POLR1F: variants seen among roughly 807,000 people sequenced by gnomAD.
The protein encoded by POLR1F is DNA-directed RNA polymerase I subunit RPA43.
A neutral mutation model predicts 21.8 loss-of-function variants in POLR1F; 23 were observed. That is an observed-to-expected ratio of 1.05 (90% CI 0.76 to 1.49). The LOEUF (loss-of-function observed/expected upper bound fraction) is 1.49. Among genes scored for constraint, POLR1F ranks in the 40% most tolerant of loss-of-function variants. POLR1F has a pLI of 0.00. For missense variants in POLR1F, 435 were observed against 412.1 expected, an observed-to-expected ratio of 1.06 and a Z score of -0.48; for synonymous variants, 162 against 152.8, an observed-to-expected ratio of 1.06 and a Z score of -0.45.
At position 19,697,669 on chromosome 7, in the gene POLR1F, A is replaced by G. The variant is rs2128005807; in HGVS notation, c.*647T>C. The G allele has an allele frequency of 6.6e-6, 1 of 152,344 alleles. No homozygotes were observed. Among genetic ancestry groups the G allele is most frequent in the South Asian group, 2.1e-4 (1 of 4,818 alleles). The allele number at this position is 152,344 out of a possible 1,614,324, so 9.4% of individuals were successfully genotyped here. A position where few individuals can be genotyped will look rare whatever the true frequency, so the allele number is the denominator to read the frequency against. On this transcript the variant is annotated 3_prime_UTR_variant, in exon 4 of 4. Transcript: ENST00000222567. Reference sequence around the variant, plus strand: ...TACAAGAAAACAGTCCTTTCCAGCAACCTCTCAGACTTAAGAAGACAAGGA... The same window carrying G: ...TACAAGAAAACAGTCCTTTCCAGCAGCCTCTCAGACTTAAGAAGACAAGGA...
Position 19,700,218 on chromosome 7 carries a change from G to A in POLR1F, c.459C>T (p.Ala153=). The change falls in exon 3 of 4, where the codon GCC becomes GCT. Residue 153 remains alanine, a synonymous_variant. Coordinates refer to ENST00000222567, the MANE Select transcript of POLR1F (RefSeq NM_001002926.2). ...IGCLVHGCFN[A]SIPKPEQLSA... ...ACAACTGCTCAGGTTTAGGAATGGAGGCATTGAAACACCCATGTACTAAAC... is the reference window on the plus strand; with the variant it reads ...ACAACTGCTCAGGTTTAGGAATGGAAGCATTGAAACACCCATGTACTAAAC... 1 of 1,613,838 alleles carries A rather than the reference G, an allele frequency of 6.2e-7. No individual in the cohort carries two copies.
At chr7:19,700,603 T>A (rs1783435826) in intron 2 of POLR1F, among the ~76,000 whole-genome samples, 1 of 152,112 alleles carries the variant, frequency 6.6e-6, no homozygotes, top group Non-Finnish European at 1.5e-5. Context: ...AAAAACCATC[T>A]CAACTCCCCA....
At chr7:19,704,747 C>A in intron 2 of POLR1F, 32 bp downstream of exon 2, 1 of 1,556,078 alleles carries the variant, frequency 6.4e-7, no homozygotes, top group South Asian at 1.3e-5. Context: ...TAGAATTATA[C>A]AAAGGGAGCT....
intron 1 of POLR1F, among the ~76,000 whole-genome samples, chr7:19,706,953 G>A (rs1455338612): frequency 6.6e-6 from 1 of 152,204 alleles, no homozygotes; most frequent in East Asian, 1.9e-4. Flanking sequence ...GCATACCCAA[G>A]TAATATGGAA....
chr7:19,708,669 C>A (rs1004009991), intron 1 of POLR1F, 94 bp downstream of exon 1: 36 of 1,514,774 alleles, frequency 2.4e-5, no homozygotes, highest in Non-Finnish European at 2.9e-5. Context: ...GGCAATGCGA[C>A]CTTTGCCATT....
At chr7:19,698,818 T>C in intron 3 of POLR1F, 91 bp from the exon 4 acceptor site, 1 of 1,098,868 alleles carries the variant, frequency 9.1e-7, no homozygotes, top group Non-Finnish European at 1.3e-6. Context: ...GCTAAGATTT[T>C]CTAAATAATG....
chr7:19,708,994 G>T lies in POLR1F; in HGVS notation c.23C>A (p.Ala8Glu). The change falls in exon 1 of 4, where the codon GCG becomes GAG. Residue 8 changes from alanine (A) to glutamate (E), a missense_variant. Transcript: ENST00000222567. MAAGCSE[A>E]PRPAAASDGS... ...ATCAGAAGCCGCCGCTGGCCGCGGC[G>T]CCTCTGAGCAACCTGCAGCCATGCT... 6.3e-7 allele frequency: 1 copy of T among 1,592,366 alleles called. No individual in the cohort carries two copies. The highest frequency in any genetic ancestry group is 8.6e-7 in the Non-Finnish European group (1 of 1,168,298).
At chr7:19,700,422 C>T (rs900991111) in intron 2 of POLR1F, 142 bp from the exon 3 acceptor site, 2 of 664,594 alleles carry the variant, frequency 3.0e-6, no homozygotes, top group Non-Finnish European at 5.1e-6. Context: ...AAAAAGTTTA[C>T]CTCAATTAAA....
intron 2 of POLR1F, 127 bp downstream of exon 2, chr7:19,704,652 A>T (rs1383111044): frequency 7.8e-6 from 7 of 895,214 alleles, no homozygotes; most frequent in Non-Finnish European, 1.1e-5. Flanking sequence ...TTTCCTTAAA[A>T]ATAATATTTA....
intron 1 of POLR1F, among the ~76,000 whole-genome samples, chr7:19,707,982 G>C (rs1327653223): frequency 6.6e-6 from 1 of 152,090 alleles, no homozygotes; most frequent in African/African-American, 2.4e-5. Context: ...ATTCCCTCTA[G>C]TTTTAGAACC....
chr7:19,698,786 T>A (rs1040619996), intron 3 of POLR1F, 59 bp from the exon 4 acceptor site: 3 of 1,389,572 alleles, frequency 2.2e-6, no homozygotes, highest in Admixed American at 2.6e-5. Flanking sequence ...AAGAACAAAT[T>A]GAGATCAAGA....
chr7:19,698,821 A>G, intron 3 of POLR1F, 94 bp from the exon 4 acceptor site: 3 of 1,038,246 alleles, frequency 2.9e-6, no homozygotes, highest in Non-Finnish European at 4.0e-6. Flanking sequence ...AAGATTTTCT[A>G]AATAATGACT....
At position 19,708,246 on chromosome 7, in the gene POLR1F, A is replaced by G. The variant is rs1279419282; in HGVS notation, c.254+517T>C. Among the ~76,000 whole-genome samples, 3 of 152,206 alleles carry G rather than the reference A, an allele frequency of 2.0e-5. 1 individual carries two copies. The East Asian group carries it at 5.8e-4, about 29-fold the overall frequency. On this transcript the variant is annotated intron_variant, in intron 1 of 3. Coordinates refer to ENST00000222567, the MANE Select transcript of POLR1F (RefSeq NM_001002926.2). ...CAGATCAGGTCCAAGAGAAGAGAAA[A>G]TGGGGAAATTACCAGAGCGAAATCC...
rs1307506028 is a variant in POLR1F, at chr7:19,708,780, G to C, written c.237C>G (p.Leu79=). The change falls in exon 1 of 4, where the codon CTC becomes CTG. Residue 79 remains leucine, a synonymous_variant. Coordinates refer to ENST00000222567, the MANE Select transcript of POLR1F (RefSeq NM_001002926.2). ...TGIREQLDAE[L]LRYSESLLGV... ...ATCGGTACCTCTCAGAATAGCGAAG[G>C]AGCTCCGCATCAAGCTGTTCTCGAA... The C allele has an allele frequency of 6.2e-7, 1 of 1,612,116 alleles. No individual in the cohort carries two copies. Among genetic ancestry groups the C allele is most frequent in the African/African-American group, 1.3e-5 (1 of 74,906 alleles).
chr7:19,705,007 A>C, intron 1 of POLR1F, 87 bp from the exon 2 acceptor site: 1 of 1,387,186 alleles, frequency 7.2e-7, no homozygotes, highest in Non-Finnish European at 9.7e-7. Context: ...TCTGTCACCC[A>C]GGATAGGGTG....
intron 1 of POLR1F, among the ~76,000 whole-genome samples, chr7:19,705,634 A>G (rs1783510330): frequency 6.6e-6 from 1 of 152,270 alleles, no homozygotes; most frequent in Non-Finnish European, 1.5e-5. Context: ...GCAAATGTTA[A>G]TACAACTACA....
chr7:19,703,417 T>C (rs1025591705), intron 2 of POLR1F, among the ~76,000 whole-genome samples: 1 of 152,202 alleles, frequency 6.6e-6, no homozygotes, highest in Non-Finnish European at 1.5e-5. Flanking sequence ...CTGTGCATTT[T>C]ATTATATGTA....
At position 19,696,026 on chromosome 7, in the gene POLR1F, A is replaced by G. The variant is rs1246637301; in HGVS notation, c.*2290T>C. The G allele has an allele frequency of 6.6e-6, 1 of 152,174 alleles. No homozygotes were observed. The highest frequency in any genetic ancestry group is 1.5e-5 in the Non-Finnish European group (1 of 67,980). 9.4% of individuals were successfully genotyped at this position (152,174 alleles called of 1,614,324 possible). ...TGGTGACTAGTGAGGTGTCTTGCAC[A>G]GTGAAATGGGTGAATGATAGGAACT... On this transcript the variant is annotated 3_prime_UTR_variant, in exon 4 of 4. Transcript: ENST00000222567.
Position 19,708,814 on chromosome 7 carries a change from C to A in POLR1F, c.203G>T (p.Arg68Leu), listed in dbSNP as rs1174465364. Residue 68 changes from arginine to leucine, a missense_variant, in exon 1 of 4, where the codon CGC (arginine) becomes CTC (leucine). By Grantham distance (102) the Arg-to-Leu change is moderately radical. Transcript: ENST00000222567. ...ATCAAGCTGTTCTCGAATGCCGGTGCGTTTCCTGTTAAGGTAGCGGGGCGA... is the reference window on the plus strand; with the variant it reads ...ATCAAGCTGTTCTCGAATGCCGGTGAGTTTCCTGTTAAGGTAGCGGGGCGA... Reference protein sequence around the residue: ...ALSPRYLNRKRTGIREQLDAE... With the variant: ...ALSPRYLNRKLTGIREQLDAE... 1.2e-6 allele frequency: 2 copies of A among 1,613,984 alleles called. No homozygotes were observed. The highest frequency in any genetic ancestry group is 1.7e-6 in the Non-Finnish European group (2 of 1,179,932).
Sources: gnomAD v4.1 joint callset for allele counts (sites outside exome capture counted in the v4.1 genomes callset) on GRCh38, gnomAD v4.1.1 for gene constraint, MANE v1.5 for transcripts, NCBI Gene and HGNC (gene_info 2026-07-23, HGNC 2026-07-21) for gene names.